EYA3: variants seen among roughly 807,000 people sequenced by gnomAD.
EYA3 encodes the protein EYA transcriptional coactivator and phosphatase 3.
In EYA3, 39 loss-of-function variants were observed where a neutral mutation model predicts 80.0. The observed-to-expected ratio is 0.49, with a 90% CI of 0.38 to 0.64. EYA3 has a LOEUF of 0.64. Among genes scored for constraint, EYA3 ranks in the 30% least tolerant of loss-of-function variants. The pLI is 0.00. For synonymous variants in EYA3, 206 were observed against 232.8 expected (o/e 0.88, Z 1.05); for missense variants, 523 against 676.1 (o/e 0.77, Z 2.51).
At chr1:28,030,470 A>G (rs1245326884) in intron 6 of EYA3, among the ~76,000 whole-genome samples, 1 of 152,068 alleles carries the variant, frequency 6.6e-6, no homozygotes, top group African/African-American at 2.4e-5. Flanking sequence ...GTATTTTTGC[A>G]GAGACAAGGT....
intron 1 of EYA3, among the ~76,000 whole-genome samples, chr1:28,065,683 CT>C (rs1215841249): frequency 6.6e-6 from 1 of 151,758 alleles, no homozygotes; most frequent in Non-Finnish European, 1.5e-5. Flanking sequence ...CAACACTACT[CT>C]TGCTCTTCAG....
intron 3 of EYA3, among the ~76,000 whole-genome samples, chr1:28,045,156 A>G (rs769203097): frequency 8.5e-5 from 13 of 152,198 alleles, no homozygotes; most frequent in Non-Finnish European, 1.3e-4. Context: ...GTTCATTTTT[A>G]TCTTGTTACT....
chr1:28,076,754 T>G (rs1032648130), intron 1 of EYA3, among the ~76,000 whole-genome samples: 41 of 148,548 alleles, frequency 2.8e-4, no homozygotes, highest in African/African-American at 9.8e-4. Context: ...TTTTTTTTTT[T>G]TTTGAGACAG....
At chr1:27,977,242 A>C (rs1337615214) in intron 17 of EYA3, 7 of 1,534,756 alleles carry the variant, frequency 4.6e-6, no homozygotes, top group South Asian at 1.2e-5. Context: ...TAAAGTGACA[A>C]ATGAAAACAT....
intron 4 of EYA3, among the ~76,000 whole-genome samples, chr1:28,041,492 G>A (rs1009798232): frequency 7.9e-5 from 12 of 152,168 alleles, no homozygotes; most frequent in South Asian, 2.1e-4. Context: ...GGCGGAGGTT[G>A]TAGTGAGTCG....
intron 4 of EYA3, 75 bp from the exon 5 acceptor site, chr1:28,038,980 A>C: frequency 2.0e-4 from 176 of 880,026 alleles, no homozygotes; most frequent in Non-Finnish European, 3.0e-4. Context: ...TGCACATCTC[A>C]CTGTATAGTC....
At chr1:28,070,889 A>T (rs989779450) in intron 1 of EYA3, among the ~76,000 whole-genome samples, 9 of 152,192 alleles carry the variant, frequency 5.9e-5, no homozygotes, top group African/African-American at 2.2e-4. Flanking sequence ...AGTATTTGCA[A>T]GACAGCACTT....
intron 11 of EYA3, among the ~76,000 whole-genome samples, chr1:28,001,327 A>G (rs958589597): frequency 2.0e-5 from 3 of 151,018 alleles, no homozygotes; most frequent in Non-Finnish European, 4.4e-5. Flanking sequence ...TCTTCCCATT[A>G]TATCTTCTTC....
chr1:28,085,129 G>C (rs1571991807), intron 1 of EYA3, among the ~76,000 whole-genome samples: 1 of 152,140 alleles, frequency 6.6e-6, no homozygotes, highest in African/African-American at 2.4e-5. Context: ...ACTTGTTGGA[G>C]GTATACTTTG....
chr1:28,027,731 TA>T lies in EYA3; in HGVS notation c.499+57del. The stretch of plus-strand genomic sequence containing the variant: ...TGTTTGTTTGGAGATACAGGTAGAT[TA>T]AAAACAAGAAACAATAATAATAATT... On this transcript the variant is annotated intron_variant, in intron 7 of 17. Transcript: ENST00000373871. The T allele has an allele frequency of 5.6e-6, 9 of 1,605,778 alleles. No homozygotes were observed. The South Asian group carries it at 1.0e-4, about 18-fold the overall frequency.
At position 27,993,563 on chromosome 1, in the gene EYA3, G is replaced by GC. The variant is rs750480021; in HGVS notation, c.1143-4dup. The GC allele has an allele frequency of 2.5e-6, 4 of 1,574,266 alleles. No homozygotes were observed. The highest frequency in any genetic ancestry group is 2.6e-6 in the Non-Finnish European group (3 of 1,167,800). On this transcript the variant is annotated splice_region_variant and splice_polypyrimidine_tract_variant and intron_variant, in intron 13 of 17. Transcript: ENST00000373871. ...CATCTGTTGAGAAACTGTAGTTGCTGCAAGGAGAGAAGATAATAAAAATTA... is the reference window on the plus strand; with the variant it reads ...CATCTGTTGAGAAACTGTAGTTGCTGCCAAGGAGAGAAGATAATAAAAATTA...
chr1:27,991,755 G>A (rs919094358), intron 14 of EYA3, among the ~76,000 whole-genome samples: 1 of 151,268 alleles, frequency 6.6e-6, no homozygotes, highest in Non-Finnish European at 1.5e-5. Flanking sequence ...AATTCATATT[G>A]TACAAAACAT....
chr1:28,087,463 T>C (rs1645697783), intron 1 of EYA3, among the ~76,000 whole-genome samples: 1 of 152,010 alleles, frequency 6.6e-6, no homozygotes, highest in Non-Finnish European at 1.5e-5. Flanking sequence ...CTTAATACAG[T>C]AAAAATGAAA....
chr1:28,003,131 G>A (rs1245957117), intron 11 of EYA3, among the ~76,000 whole-genome samples: 10 of 151,312 alleles, frequency 6.6e-5, no homozygotes, highest in South Asian at 2.1e-4. Flanking sequence ...TTAGCTGGGC[G>A]TGGTGGCAGG....
At chr1:28,063,093 A>T (rs1163028687) in intron 1 of EYA3, among the ~76,000 whole-genome samples, 1 of 151,784 alleles carries the variant, frequency 6.6e-6, no homozygotes, top group African/African-American at 2.4e-5. Flanking sequence ...TACAACTTCA[A>T]AAGAAGTGTC....
intron 16 of EYA3, among the ~76,000 whole-genome samples, chr1:27,985,211 G>A (rs1385444841): frequency 6.6e-6 from 1 of 151,716 alleles, no homozygotes; most frequent in Admixed American, 6.6e-5. Context: ...CCAAGTAGCC[G>A]GGACTACAGA....
chr1:27,973,245 T>TGGCCA lies in EYA3; in HGVS notation c.*1216_*1220dup. 1 of 152,352 alleles carries TGGCCA rather than the reference T, an allele frequency of 6.6e-6. No individual in the cohort carries two copies. The highest frequency in any genetic ancestry group is 1.5e-5 in the Non-Finnish European group (1 of 68,044). 9.4% of individuals were successfully genotyped at this position (152,352 alleles called of 1,614,324 possible). A position where few individuals can be genotyped will look rare whatever the true frequency, so the allele number is the denominator to read the frequency against. Reference sequence around the variant, plus strand: ...AGGAAGTCAAATACATTGGCAGTTTTGGCCAAAATGTAGTTATAAGCATGT... The same window carrying TGGCCA: ...AGGAAGTCAAATACATTGGCAGTTTTGGCCAGGCCAAAATGTAGTTATAAGCATGT... On this transcript the variant is annotated 3_prime_UTR_variant, in exon 18 of 18. Coordinates refer to ENST00000373871, the MANE Select transcript of EYA3 (RefSeq NM_001990.4).
chr1:28,056,582 C>G (rs1331218820), intron 2 of EYA3, among the ~76,000 whole-genome samples: 1 of 152,170 alleles, frequency 6.6e-6, no homozygotes, highest in Non-Finnish European at 1.5e-5. Context: ...CCTGTGACAA[C>G]CATTTATAGT....
At chr1:28,070,337 A>G (rs1361596367) in intron 1 of EYA3, among the ~76,000 whole-genome samples, 6 of 152,068 alleles carry the variant, frequency 3.9e-5, no homozygotes, top group African/African-American at 1.4e-4. Flanking sequence ...AAAGCAGGTG[A>G]TCACCTGAGG....
Sources: allele counts gnomAD v4.1 joint callset (sites outside exome capture counted in the v4.1 genomes callset), GRCh38; gene constraint gnomAD v4.1.1; transcripts MANE v1.5; gene names NCBI Gene and HGNC (gene_info 2026-07-23, HGNC 2026-07-21).